UBXN1: variants seen among roughly 807,000 people sequenced by gnomAD.
The protein encoded by UBXN1 is UBX domain protein 1.
A neutral mutation model predicts 42.0 loss-of-function variants in UBXN1; 21 were observed. The ratio of observed to expected loss-of-function variants is 0.50; its 90% CI spans 0.35 to 0.72. The LOEUF (loss-of-function observed/expected upper bound fraction) is 0.72. Ranked by LOEUF, UBXN1 falls within the 30% of genes least tolerant of loss-of-function variation. The pLI, the probability that UBXN1 is intolerant of heterozygous loss-of-function variation, is 0.00. For missense variants in UBXN1, 374 were observed against 382.2 expected (o/e 0.98, Z 0.18); for synonymous variants, 172 against 142.6 (o/e 1.21, Z -1.47).
Position 62,676,809 on chromosome 11 carries a change from A to T in UBXN1, c.844+4T>A. 6.2e-7 allele frequency: 1 copy of T among 1,614,144 alleles called. No individual in the cohort carries two copies. Among genetic ancestry groups the T allele is most frequent in the Non-Finnish European group, 8.5e-7 (1 of 1,180,038 alleles). On this transcript the variant is annotated splice_donor_region_variant and intron_variant, in intron 8 of 8. Coordinates refer to ENST00000301935, the MANE Select transcript of UBXN1 (RefSeq NM_001286077.2). ...AGTCCTGGTTTCTAGTCTTGCAGCCATACCCAGCTCCTGCAGAGGCCGCTC... is the reference window on the plus strand; with the variant it reads ...AGTCCTGGTTTCTAGTCTTGCAGCCTTACCCAGCTCCTGCAGAGGCCGCTC...
Position 62,677,851 on chromosome 11 carries a change from G to T in UBXN1, c.483-19C>A. 1.9e-6 allele frequency: 3 copies of T among 1,614,180 alleles called. No homozygotes were observed. The highest frequency in any genetic ancestry group is 1.6e-4 in the Middle Eastern group (1 of 6,062). On this transcript the variant is annotated intron_variant, in intron 5 of 8. Transcript: ENST00000301935. The stretch of plus-strand genomic sequence containing the variant: ...TCTTTGTCTGAAATGTAGACAAGAA[G>T]AAATTAGGTCAGACATCAACAAAGC...
Position 62,676,923 on chromosome 11 carries a change from A to G in UBXN1, c.734T>C (p.Leu245Pro), listed in dbSNP as rs1190321972. 6.2e-7 allele frequency: 1 copy of G among 1,613,540 alleles called. No individual in the cohort carries two copies. The highest frequency in any genetic ancestry group is 1.1e-5 in the South Asian group (1 of 91,074). Residue 245 changes from leucine to proline, a missense_variant, in exon 8 of 9, where the codon CTC (leucine) becomes CCC (proline). Transcript: ENST00000301935. Reference protein sequence around the residue: ...QLAAVRLYVELHRGEELGGGQ... With the variant: ...QLAAVRLYVEPHRGEELGGGQ... ...CCCACCTAGTTCCTCCCCACGGTGG[A>G]GCTCCACATAGAGCCTCACAGCTGC...
chr11:62,678,727 G>A lies in UBXN1; in HGVS notation c.76C>T (p.Leu26Phe), dbSNP rs745377429. 6.2e-7 allele frequency: 1 copy of A among 1,613,062 alleles called. No homozygotes were observed. Among genetic ancestry groups the A allele is most frequent in the Admixed American group, 1.7e-5 (1 of 59,974 alleles). ...GCCTCGATGCCCTGGTTCCCTGTGA[G>A]GGCCAGAGCCTTCTCCCTGGGGGCA... ...PRGRAEKALALTGNQGIEAAM... is the reference protein window; with the variant it reads ...PRGRAEKALAFTGNQGIEAAM... Residue 26 changes from leucine to phenylalanine, a missense_variant, in exon 2 of 9, where the codon CTC becomes TTC. Coordinates refer to ENST00000301935, the MANE Select transcript of UBXN1 (RefSeq NM_001286077.2).
rs140112798 is a variant in UBXN1 at position 62,678,342 on chromosome 11, T to A, written c.287A>T (p.Lys96Met). ...CGTGAGATTGTTGTTACTGTACCTC[T>A]TAGTTTGTTCCTGTCTTTCCTCTTC... The part of the protein sequence containing the change: ...LSEEERQEQT[K>M]RMLELVAQKQ... Residue 96 changes from lysine (K) to methionine (M), a missense_variant, in exon 4 of 9, where the codon AAG becomes ATG. By Grantham distance (95) the Lys-to-Met change is moderately conservative. Transcript: ENST00000301935. The A allele has an allele frequency of 1.9e-6, 3 of 1,614,208 alleles. No individual in the cohort carries two copies. The East Asian group carries it at 6.7e-5, about 36-fold the overall frequency.
In UBXN1 at chr11:62,679,018, G is replaced by A; in HGVS notation, c.-95C>T. ...AGGCAACCCGCCCTCGACACCCGCCGACGGGCGCTCGCTCTCTCACCCGGC... is the reference window on the plus strand; with the variant it reads ...AGGCAACCCGCCCTCGACACCCGCCAACGGGCGCTCGCTCTCTCACCCGGC... On this transcript the variant is annotated 5_prime_UTR_variant, in exon 1 of 9. Coordinates refer to ENST00000301935, the MANE Select transcript of UBXN1 (RefSeq NM_001286077.2). 7.3e-7 allele frequency: 1 copy of A among 1,374,242 alleles called. No individual in the cohort carries two copies. Among genetic ancestry groups the A allele is most frequent in the East Asian group, 2.5e-5 (1 of 39,846 alleles). The allele number at this position is 1,374,242 out of a possible 1,614,324, so 85.1% of individuals were successfully genotyped here. A position where few individuals can be genotyped will look rare whatever the true frequency, so the allele number is the denominator to read the frequency against.
chr11:62,678,335 G>C lies in UBXN1; in HGVS notation c.290+4C>G, dbSNP rs899246157. 3.6e-5 allele frequency: 58 copies of C among 1,614,068 alleles called. No individual in the cohort carries two copies. Among genetic ancestry groups the C allele is most frequent in the Non-Finnish European group, 4.5e-5 (53 of 1,180,030 alleles). On this transcript the variant is annotated splice_donor_region_variant and intron_variant, in intron 4 of 8. Transcript: ENST00000301935. ...TCAGACACGTGAGATTGTTGTTACT[G>C]TACCTCTTAGTTTGTTCCTGTCTTT...
In UBXN1 at chr11:62,678,985, T is replaced by A. The variant is rs1945095347; in HGVS notation, c.-62A>T. 6.6e-7 allele frequency: 1 copy of A among 1,524,436 alleles called. No individual in the cohort carries two copies. The highest frequency in any genetic ancestry group is 1.4e-5 in the African/African-American group (1 of 72,520). 94.4% of individuals were successfully genotyped at this position (1,524,436 alleles called of 1,614,324 possible). ...GTGACGAGAAGGAGGGCGGGAAGGG[T>A]CAGCGCGAGGCAACCCGCCCTCGAC... On this transcript the variant is annotated 5_prime_UTR_variant, in exon 1 of 9. Coordinates refer to ENST00000301935, the MANE Select transcript of UBXN1 (RefSeq NM_001286077.2).
At position 62,677,965 on chromosome 11, in the gene UBXN1, C is replaced by A. The variant is rs1377418674; in HGVS notation, c.444G>T (p.Glu148Asp). The A allele has an allele frequency of 6.2e-7, 1 of 1,614,002 alleles. No individual in the cohort carries two copies. The highest frequency in any genetic ancestry group is 1.7e-5 in the Admixed American group (1 of 59,986). Reference sequence around the variant, plus strand: ...CCTCGGCCTTTTCCCTCCGCCTCTCCTCAGCAGCCCGGCGCATCTCATCTT... The same window carrying A: ...CCTCGGCCTTTTCCCTCCGCCTCTCATCAGCAGCCCGGCGCATCTCATCTT... ...LQEDEMRRAA[E>D]ERRREKAEEL... Residue 148 changes from glutamate (E) to aspartate (D), a missense_variant, in exon 5 of 9, where the codon GAG becomes GAT. Coordinates refer to ENST00000301935, the MANE Select transcript of UBXN1 (RefSeq NM_001286077.2).
Position 62,676,511 on chromosome 11 carries a change from G to C in UBXN1, c.*79C>G. Reference sequence around the variant, plus strand: ...AGGAGTCAGGCATGTACAGAACTCAGGGTCTATTTATTAGGAAGGAGATGT... The same window carrying C: ...AGGAGTCAGGCATGTACAGAACTCACGGTCTATTTATTAGGAAGGAGATGT... On this transcript the variant is annotated 3_prime_UTR_variant, in exon 9 of 9. Transcript: ENST00000301935. 1 of 1,495,970 alleles carries C rather than the reference G, an allele frequency of 6.7e-7. No individual in the cohort carries two copies. Among genetic ancestry groups the C allele is most frequent in the Non-Finnish European group, 9.0e-7 (1 of 1,108,554 alleles). 92.7% of individuals were successfully genotyped at this position (1,495,970 alleles called of 1,614,324 possible).
chr11:62,678,596 A>G lies in UBXN1; in HGVS notation c.119T>C (p.Met40Thr), dbSNP rs550723710. 3.1e-6 allele frequency: 5 copies of G among 1,612,230 alleles called. No homozygotes were observed. In the East Asian group the frequency reaches 1.1e-4, roughly 36 times the overall value. ...CACATCGGGGTCGTCTTCGTGCTCC[A>G]TCAGCCTGGCAGGGAAAGTGGGCGG... ...QGIEAAMDWL[M>T]EHEDDPDVDE... The change falls in exon 3 of 9, where the codon ATG becomes ACG. Residue 40 changes from methionine to threonine, a missense_variant. By Grantham distance (81) the Met-to-Thr change is moderately conservative (BLOSUM62 -1). Transcript: ENST00000301935.
rs1290723531 is a variant in UBXN1 at position 62,676,795 on chromosome 11, C to G, written c.844+18G>C. On this transcript the variant is annotated intron_variant, in intron 8 of 8. Transcript: ENST00000301935. ...CTCCCCCAGTTTCTAGTCCTGGTTT[C>G]TAGTCTTGCAGCCATACCCAGCTCC... The G allele has an allele frequency of 6.2e-7, 1 of 1,614,188 alleles. No homozygotes were observed. The highest frequency in any genetic ancestry group is 8.5e-7 in the Non-Finnish European group (1 of 1,180,026).
rs1202191767 is a variant in UBXN1, at chr11:62,678,060, C to CCTCCCGTTCCTCTCTTTCTTCACG, written c.325_348dup (p.Arg109_Glu116dup). 6.2e-7 allele frequency: 1 copy of CCTCCCGTTCCTCTCTTTCTTCACG among 1,614,164 alleles called. No homozygotes were observed. Among genetic ancestry groups the CCTCCCGTTCCTCTCTTTCTTCACG allele is most frequent in the East Asian group, 2.2e-5 (1 of 44,886 alleles). On this transcript the variant is annotated inframe_insertion, in exon 5 of 9. Coordinates refer to ENST00000301935, the MANE Select transcript of UBXN1 (RefSeq NM_001286077.2). The stretch of plus-strand genomic sequence containing the variant: ...CTGCGCTGCCGTTCCCGTTCCAATG[C>CCTCCCGTTCCTCTCTTTCTTCACG]CTCCCGTTCCTCTCTTTCTTCACGC...
In UBXN1 at chr11:62,678,724, T is replaced by A; in HGVS notation, c.79A>T (p.Thr27Ser). The A allele has an allele frequency of 6.2e-7, 1 of 1,610,224 alleles. No homozygotes were observed. Among genetic ancestry groups the A allele is most frequent in the Non-Finnish European group, 8.5e-7 (1 of 1,178,562 alleles). Residue 27 changes from threonine to serine, a missense_variant, in exon 2 of 9, where the codon ACA (threonine) becomes TCA (serine). By Grantham distance (58) the Thr-to-Ser change is moderately conservative. Transcript: ENST00000301935. ...GCAGCCTCGATGCCCTGGTTCCCTG[T>A]GAGGGCCAGAGCCTTCTCCCTGGGG... Reference protein sequence around the residue: ...RGRAEKALALTGNQGIEAAMD... With the variant: ...RGRAEKALALSGNQGIEAAMD...
intron 4 of UBXN1, 45 bp from the exon 5 acceptor site, chr11:62,678,163 G>A: frequency 6.2e-7 from 1 of 1,609,082 alleles, no homozygotes; most frequent in African/African-American, 1.3e-5. Context: ...GGACAGAGTG[G>A]GAAGGTGTAA....
chr11:62,678,181 A>G, intron 4 of UBXN1, 63 bp from the exon 5 acceptor site: 8 of 1,604,188 alleles, frequency 5.0e-6, no homozygotes, highest in Non-Finnish European at 6.8e-6. Context: ...TAAAGTTTAC[A>G]ATAAACAAAA....
chr11:62,676,766 C>T (rs768555364), intron 8 of UBXN1, 47 bp downstream of exon 8: 1 of 1,614,198 alleles, frequency 6.2e-7, no homozygotes, highest in Non-Finnish European at 8.5e-7. Context: ...GGCATGCCTC[C>T]CTACTCCCCC....
In UBXN1 at chr11:62,678,603, T is replaced by A; in HGVS notation, c.114-2A>T. ...GGGTCGTCTTCGTGCTCCATCAGCC[T>A]GGCAGGGAAAGTGGGCGGGGAGGTT... On this transcript the variant is annotated splice_acceptor_variant, in intron 2 of 8. Coordinates refer to ENST00000301935, the MANE Select transcript of UBXN1 (RefSeq NM_001286077.2). LOFTEE classifies it high-confidence loss of function. The A allele has an allele frequency of 6.2e-7, 1 of 1,612,488 alleles. No homozygotes were observed. The highest frequency in any genetic ancestry group is 8.5e-7 in the Non-Finnish European group (1 of 1,178,922).
chr11:62,678,830 C>A lies in UBXN1; in HGVS notation c.59+35G>T, dbSNP rs755514847. The stretch of plus-strand genomic sequence containing the variant: ...AGGCCGAGACAGGTCCGCGACCCCC[C>A]ACACCCGCAGGCCGGGGTTGGGGAA... On this transcript the variant is annotated intron_variant, in intron 1 of 8. Coordinates refer to ENST00000301935, the MANE Select transcript of UBXN1 (RefSeq NM_001286077.2). 6 of 1,609,044 alleles carry A rather than the reference C, an allele frequency of 3.7e-6. No homozygotes were observed. The African/African-American group carries it at 5.3e-5, about 14-fold the overall frequency.
rs1208466780 is a variant in UBXN1 at position 62,676,651 on chromosome 11, A to T, written c.845-12T>A. ...AGAAGGCACGAGTCCTGAAGATGGA[A>T]GAAAACAGGCTTGAACCACAAGGAT... On this transcript the variant is annotated splice_polypyrimidine_tract_variant and intron_variant, in intron 8 of 8. Transcript: ENST00000301935. 2 of 1,614,122 alleles carry T rather than the reference A, an allele frequency of 1.2e-6. No individual in the cohort carries two copies. Among genetic ancestry groups the T allele is most frequent in the Non-Finnish European group, 1.7e-6 (2 of 1,180,046 alleles).
Sources: allele counts gnomAD v4.1 joint callset, GRCh38; gene constraint gnomAD v4.1.1; transcripts MANE v1.5; gene names NCBI Gene and HGNC (gene_info 2026-07-23, HGNC 2026-07-21).